Variants in DSCAML1 observed in about 807,000 individuals in gnomAD.
The protein encoded by DSCAML1 is DS cell adhesion molecule like 1, also known as cell adhesion molecule DSCAML1.
DSCAML1 carries 38 observed loss-of-function variants against 200.5 expected under a neutral mutation model. That is an observed-to-expected ratio of 0.19 (90% CI 0.15 to 0.25). The LOEUF is 0.25. Among genes scored for constraint, DSCAML1 ranks in the 10% least tolerant of loss-of-function variants. The probability of loss-of-function intolerance (pLI) is 1.00; values close to 1 mark genes in which losing one functional copy is unlikely to be tolerated. For missense variants in DSCAML1, 2,223 were observed against 2,858.8 expected (o/e 0.78, Z 5.07); for synonymous variants, 1,215 against 1,165.0 (o/e 1.04, Z -0.87).
At chr11:117,472,167 G>C (rs2048699714) in intron 14 of DSCAML1, 131 bp from the exon 15 acceptor site, 4 of 992,452 alleles carry the variant, frequency 4.0e-6, no homozygotes, top group Non-Finnish European at 4.5e-6. Context: ...CTGCAGAGAG[G>C]GCACAGGCCT....
At chr11:117,720,623 A>C (rs1261777754) in intron 3 of DSCAML1, among the ~76,000 whole-genome samples, 1 of 152,240 alleles carries the variant, frequency 6.6e-6, no homozygotes, top group African/African-American at 2.4e-5. Flanking sequence ...TGAGTCTCAG[A>C]GAGGTACTGG....
chr11:117,757,818 C>G (rs2054722837), intron 3 of DSCAML1, among the ~76,000 whole-genome samples: 1 of 152,012 alleles, frequency 6.6e-6, no homozygotes, highest in African/African-American at 2.4e-5. Flanking sequence ...TGGACAAACC[C>G]TGTCTCTACC....
At chr11:117,438,582 G>C (rs1592574383) in intron 24 of DSCAML1, among the ~76,000 whole-genome samples, 1 of 126,582 alleles carries the variant, frequency 7.9e-6, no homozygotes. Context: ...CACTTGGAAA[G>C]CACTGATCTA....
At chr11:117,659,991 C>T (rs1015430976) in intron 3 of DSCAML1, among the ~76,000 whole-genome samples, 3 of 152,132 alleles carry the variant, frequency 2.0e-5, no homozygotes, top group Admixed American at 1.3e-4. Flanking sequence ...CCCAAAGTGC[C>T]GGGATTACAG....
chr11:117,695,309 C>CT (rs1220241169), intron 3 of DSCAML1, among the ~76,000 whole-genome samples: 10 of 122,622 alleles, frequency 8.2e-5, no homozygotes, highest in African/African-American at 3.2e-4. Flanking sequence ...TTCTTTCTTT[C>CT]TTTTTCTTTT....
At chr11:117,759,846 G>C (rs1260130140) in intron 3 of DSCAML1, among the ~76,000 whole-genome samples, 1 of 152,138 alleles carries the variant, frequency 6.6e-6, no homozygotes, top group Admixed American at 6.5e-5. Flanking sequence ...ATTACAACAG[G>C]ATCCCGAGGC....
chr11:117,811,620 G>T (rs544307726), intron 1 of DSCAML1, among the ~76,000 whole-genome samples: 1 of 152,272 alleles, frequency 6.6e-6, no homozygotes, highest in Non-Finnish European at 1.5e-5. Flanking sequence ...CCTAAGCCGT[G>T]TCCCATCTGC....
At chr11:117,664,597 A>G (rs997134393) in intron 3 of DSCAML1, among the ~76,000 whole-genome samples, 1 of 152,228 alleles carries the variant, frequency 6.6e-6, no homozygotes, top group Non-Finnish European at 1.5e-5. Flanking sequence ...CCTCAATTTA[A>G]AAAAGGGTAG....
chr11:117,781,065 G>A (rs1354964363), intron 1 of DSCAML1, among the ~76,000 whole-genome samples: 1 of 152,176 alleles, frequency 6.6e-6, no homozygotes, highest in Non-Finnish European at 1.5e-5. Flanking sequence ...GGGAGGCCGA[G>A]GCGGGCGGAT....
intron 1 of DSCAML1, among the ~76,000 whole-genome samples, chr11:117,786,443 C>T (rs190463425): frequency 2.9e-4 from 44 of 152,344 alleles, no homozygotes; most frequent in African/African-American, 9.6e-4. Context: ...GGGCTGCCTG[C>T]CCCCAGGGTC....
At chr11:117,621,360 A>C (rs1404224764) in intron 3 of DSCAML1, among the ~76,000 whole-genome samples, 2 of 152,240 alleles carry the variant, frequency 1.3e-5, no homozygotes, top group African/African-American at 4.8e-5. Flanking sequence ...TGCTAGAAAT[A>C]AATTTATTTG....
At position 117,503,046 on chromosome 11, in the gene DSCAML1, T is replaced by A. The variant is rs1373839641; in HGVS notation, c.2359+799A>T. On this transcript the variant is annotated intron_variant, in intron 11 of 32. Coordinates refer to ENST00000651296, the MANE Select transcript of DSCAML1 (RefSeq NM_020693.4). This position sits in a 1 kb window ranked among gnomAD's most constrained non-coding sequence, Gnocchi z 5.2. The stretch of plus-strand genomic sequence containing the variant: ...TGATGTGATTCCCAGGAATCCATTA[T>A]ACAGACACCTGCAGCGTAAAGGGAG... 1.3e-5 allele frequency among the ~76,000 whole-genome samples: 2 copies of A among 152,140 alleles called. No homozygotes were observed. The highest frequency in any genetic ancestry group is 6.5e-5 in the Admixed American group (1 of 15,274).
At position 117,439,759 on chromosome 11, in the gene DSCAML1, C is replaced by G. The variant is rs918003571; in HGVS notation, c.3980+60G>C. 3.3e-6 allele frequency: 5 copies of G among 1,504,488 alleles called. No homozygotes were observed. In the African/African-American group the frequency reaches 5.5e-5, roughly 17 times the overall value. The allele number at this position is 1,504,488 out of a possible 1,614,324, so 93.2% of individuals were successfully genotyped here. A position where few individuals can be genotyped will look rare whatever the true frequency, so the allele number is the denominator to read the frequency against. On this transcript the variant is annotated intron_variant, in intron 22 of 32. Coordinates refer to ENST00000651296, the MANE Select transcript of DSCAML1 (RefSeq NM_020693.4). ...GAGGGCCCCAGACTCTTCTCCACAC[C>G]GCTCTTCTACTATATCCCTCTTTGG...
At chr11:117,784,672 C>A (rs1043336371) in intron 1 of DSCAML1, among the ~76,000 whole-genome samples, 4 of 152,142 alleles carry the variant, frequency 2.6e-5, no homozygotes, top group African/African-American at 7.2e-5. Flanking sequence ...CCAGAGGAGC[C>A]CCAGACCCCT....
chr11:117,525,919 A>G lies in DSCAML1; in HGVS notation c.659-836T>C, dbSNP rs145498625. The stretch of plus-strand genomic sequence containing the variant: ...GCCTAAACTCTGGACAGATTCAGAA[A>G]TGACCAGTGCATTTCCATCAGAGCC... On this transcript the variant is annotated intron_variant, in intron 4 of 32. Transcript: ENST00000651296. Among the ~76,000 whole-genome samples, 5 of 152,308 alleles carry G rather than the reference A, an allele frequency of 3.3e-5. No individual in the cohort carries two copies. In the East Asian group the frequency reaches 7.7e-4, roughly 24 times the overall value.
chr11:117,794,326 G>A (rs1233323732), intron 1 of DSCAML1, among the ~76,000 whole-genome samples: 1 of 152,140 alleles, frequency 6.6e-6, no homozygotes, highest in Non-Finnish European at 1.5e-5. Flanking sequence ...GGGTTCATCC[G>A]GCTGCCTAAA....
intron 3 of DSCAML1, among the ~76,000 whole-genome samples, chr11:117,542,900 C>A (rs1436575962): frequency 2.0e-5 from 3 of 152,208 alleles, no homozygotes; most frequent in Admixed American, 6.5e-5. Flanking sequence ...TTTCCTCCAA[C>A]CCTGCTGCCA....
Position 117,480,859 on chromosome 11 carries a change from T to C in DSCAML1, c.2657-288A>G, listed in dbSNP as rs1266520722. Among the ~76,000 whole-genome samples the C allele has an allele frequency of 1.3e-5, 2 of 152,144 alleles. No individual in the cohort carries two copies. Among genetic ancestry groups the C allele is most frequent in the Non-Finnish European group, 2.9e-5 (2 of 68,026 alleles). Reference sequence around the variant, plus strand: ...TTTTTCCCCTTCCAACTTCCCCAGCTTGACTTTCCCTTCCCACACCTGCTG... The same window carrying C: ...TTTTTCCCCTTCCAACTTCCCCAGCCTGACTTTCCCTTCCCACACCTGCTG... On this transcript the variant is annotated intron_variant, in intron 13 of 32. Coordinates refer to ENST00000651296, the MANE Select transcript of DSCAML1 (RefSeq NM_020693.4). This position sits in a 1 kb window ranked among gnomAD's most constrained non-coding sequence, Gnocchi z 4.1.
chr11:117,715,516 G>T (rs2053937283), intron 3 of DSCAML1, among the ~76,000 whole-genome samples: 1 of 152,222 alleles, frequency 6.6e-6, no homozygotes, highest in Admixed American at 6.5e-5. Context: ...CGGCACTGGG[G>T]ATGTGGTGGT....
Sources: allele counts gnomAD v4.1 joint callset (sites outside exome capture counted in the v4.1 genomes callset), GRCh38; gene constraint gnomAD v4.1.1; non-coding constraint Gnocchi (gnomAD v3.1); transcripts MANE v1.5; gene names NCBI Gene and HGNC (gene_info 2026-07-23, HGNC 2026-07-21).